The following DTNB variants were observed in gnomAD, a reference collection of about 807,000 sequenced individuals.
DTNB encodes dystrobrevin beta, also known as DTN-B.
DTNB carries 63 observed loss-of-function variants against 90.7 expected under a neutral mutation model. The observed-to-expected ratio is 0.69, with a 90% CI of 0.57 to 0.86. The LOEUF is 0.86. DTNB is among the 40% of genes least tolerant of loss of function. The pLI, the probability that DTNB is intolerant of heterozygous loss-of-function variation, is 0.00. For synonymous variants in DTNB, 277 were observed against 286.7 expected (o/e 0.97, Z 0.34); for missense variants, 744 against 807.1 (o/e 0.92, Z 0.95).
rs985096400 is a variant in DTNB at position 25,576,680 on chromosome 2, A to G, written c.876+158T>C. 7 of 915,252 alleles carry G rather than the reference A, an allele frequency of 7.6e-6. No individual in the cohort carries two copies. In the African/African-American group the frequency reaches 1.2e-4, roughly 16 times the overall value. 56.7% of individuals were successfully genotyped at this position (915,252 alleles called of 1,614,324 possible). On this transcript the variant is annotated intron_variant, in intron 8 of 20. Transcript: ENST00000406818. ...TTCTGCTTTTAAAATCAAGTGAGGA[A>G]GCACAACATTTTTGCAATCCTGGCA... is the stretch of plus-strand genomic sequence containing the variant.
At chr2:25,668,290 T>C (rs2084988525) in intron 1 of DTNB, among the ~76,000 whole-genome samples, 1 of 152,112 alleles carries the variant, frequency 6.6e-6, no homozygotes, top group African/African-American at 2.4e-5. Context: ...AAAAAAGACT[T>C]AGAGGAAACT....
chr2:25,422,811 C>A (rs1374129168), intron 15 of DTNB, among the ~76,000 whole-genome samples: 1 of 151,980 alleles, frequency 6.6e-6, no homozygotes, highest in East Asian at 1.9e-4. Context: ...TTTTTGAGGT[C>A]AGTAATTAAT....
intron 9 of DTNB, among the ~76,000 whole-genome samples, chr2:25,514,258 AG>A (rs1183805827): frequency 6.6e-6 from 1 of 152,186 alleles, no homozygotes; most frequent in African/African-American, 2.4e-5. Flanking sequence ...TATGAGGATG[AG>A]GGGCACATCA....
intron 4 of DTNB, among the ~76,000 whole-genome samples, chr2:25,623,396 G>A (rs1029654734): frequency 6.6e-6 from 1 of 152,182 alleles, no homozygotes; most frequent in Admixed American, 6.5e-5. Context: ...GATGGTACTG[G>A]GGACAAGGAG....
chr2:25,500,660 AAGT>A (rs1367907502), intron 9 of DTNB, among the ~76,000 whole-genome samples: 1 of 152,208 alleles, frequency 6.6e-6, no homozygotes, highest in Non-Finnish European at 1.5e-5. Flanking sequence ...TCAGCTGCAG[AAGT>A]AGTCCAGGGA....
At chr2:25,435,470 T>G (rs1378465151) in intron 12 of DTNB, among the ~76,000 whole-genome samples, 1 of 152,254 alleles carries the variant, frequency 6.6e-6, no homozygotes, top group African/African-American at 2.4e-5. Flanking sequence ...TCTGGATATT[T>G]CATATAAATG....
At chr2:25,454,454 T>G (rs1281388170) in intron 11 of DTNB, among the ~76,000 whole-genome samples, 1 of 152,150 alleles carries the variant, frequency 6.6e-6, no homozygotes, top group Admixed American at 6.5e-5. Context: ...TAAATTATGG[T>G]TTTCTCTCTA....
chr2:25,591,788 C>T (rs138774465), intron 6 of DTNB, among the ~76,000 whole-genome samples: 116 of 152,184 alleles, frequency 7.6e-4, no homozygotes, highest in African/African-American at 2.6e-3. Flanking sequence ...CGGCCAGGTG[C>T]ACTGGCTCAC....
At chr2:25,557,289 GGT>G (rs891209785) in intron 8 of DTNB, among the ~76,000 whole-genome samples, 1 of 152,172 alleles carries the variant, frequency 6.6e-6, no homozygotes, top group African/African-American at 2.4e-5. Flanking sequence ...TTCTGTGTAT[GGT>G]GGCACTCTCC....
intron 12 of DTNB, among the ~76,000 whole-genome samples, chr2:25,442,429 C>T (rs142658160): frequency 4.9e-4 from 75 of 152,262 alleles, no homozygotes; most frequent in African/African-American, 5.5e-4. Context: ...TTGTATCATC[C>T]AAGACCAATT....
chr2:25,573,442 T>C (rs1476093307), intron 8 of DTNB, among the ~76,000 whole-genome samples: 4 of 152,232 alleles, frequency 2.6e-5, no homozygotes, highest in Non-Finnish European at 5.9e-5. Flanking sequence ...ACTTTGTGGC[T>C]TAAAGCCTTT....
chr2:25,423,807 G>A (rs1020503635), intron 15 of DTNB, among the ~76,000 whole-genome samples: 6 of 151,746 alleles, frequency 4.0e-5, no homozygotes, highest in South Asian at 2.1e-4. Context: ...TTACAGGCGC[G>A]CACCACCACG....
intron 9 of DTNB, among the ~76,000 whole-genome samples, chr2:25,528,751 A>G (rs778230669): frequency 6.6e-6 from 1 of 152,218 alleles, no homozygotes; most frequent in Non-Finnish European, 1.5e-5. Flanking sequence ...CATGTAAAGT[A>G]TATCTTAAAT....
chr2:25,451,047 C>G (rs1359539845), intron 12 of DTNB, among the ~76,000 whole-genome samples: 1 of 152,198 alleles, frequency 6.6e-6, no homozygotes, highest in Non-Finnish European at 1.5e-5. Flanking sequence ...CTCAAGTGAT[C>G]TGCCCGCCTC....
At chr2:25,453,700 C>T (rs941774167) in intron 11 of DTNB, among the ~76,000 whole-genome samples, 1 of 152,216 alleles carries the variant, frequency 6.6e-6, no homozygotes, top group African/African-American at 2.4e-5. Flanking sequence ...TAGGGTGAAA[C>T]AACTCTGTTC....
At chr2:25,458,241 T>G (rs772761219) in intron 10 of DTNB, among the ~76,000 whole-genome samples, 1 of 152,204 alleles carries the variant, frequency 6.6e-6, no homozygotes. Context: ...CTGATGTTAG[T>G]TCTGTTTAGA....
At chr2:25,589,325 C>T (rs1275921569) in intron 6 of DTNB, among the ~76,000 whole-genome samples, 1 of 148,420 alleles carries the variant, frequency 6.7e-6, no homozygotes, top group Admixed American at 6.8e-5. Context: ...TCACTTCTCC[C>T]TTTCTCTCCA....
intron 16 of DTNB, among the ~76,000 whole-genome samples, chr2:25,399,691 C>T (rs915022377): frequency 6.6e-6 from 1 of 152,204 alleles, no homozygotes. Flanking sequence ...AATGTGGTCA[C>T]CAGACCTCTG....
chr2:25,611,076 T>C (rs1559226618), intron 4 of DTNB, among the ~76,000 whole-genome samples: 1 of 152,192 alleles, frequency 6.6e-6, no homozygotes. Flanking sequence ...TTCATACAAA[T>C]GGAATCTTAC....
Sources: gnomAD v4.1 joint callset for allele counts (sites outside exome capture counted in the v4.1 genomes callset) on GRCh38, gnomAD v4.1.1 for gene constraint, MANE v1.5 for transcripts, NCBI Gene and HGNC (gene_info 2026-07-23, HGNC 2026-07-21) for gene names.